Variants in THSD7B observed in about 807,000 individuals in gnomAD.
The protein encoded by THSD7B is thrombospondin type 1 domain containing 7B, also known as thrombospondin type-1 domain-containing protein 7B.
THSD7B carries 138 observed loss-of-function variants against 213.6 expected under a neutral mutation model. The observed-to-expected ratio is 0.65, with a 90% CI of 0.56 to 0.74. THSD7B has a LOEUF of 0.74. Ranked by LOEUF, THSD7B falls within the 30% of genes least tolerant of loss-of-function variation. The pLI, the probability that THSD7B is intolerant of heterozygous loss-of-function variation, is 0.00. For missense variants in THSD7B, 1,931 were observed against 1,991.5 expected (o/e 0.97, Z 0.58); for synonymous variants, 742 against 687.0 (o/e 1.08, Z -1.25).
intron 7 of THSD7B, among the ~76,000 whole-genome samples, chr2:137,208,065 G>A (rs376374076): frequency 5.9e-5 from 9 of 152,118 alleles, no homozygotes; most frequent in East Asian, 3.9e-4. Flanking sequence ...TTCTGTAACC[G>A]GCTACAGTGA....
In THSD7B at chr2:137,300,084, T is replaced by A. The variant is rs1260908973; in HGVS notation, c.2500+24058T>A. 3.9e-5 allele frequency among the ~76,000 whole-genome samples: 6 copies of A among 152,236 alleles called. No individual in the cohort carries two copies. In the East Asian group the frequency reaches 1.2e-3, roughly 29 times the overall value. ...AAGGTTGATTATGATTTCTTAAAAA[T>A]CTGTTTCTTAAATGGAATTGTTCCT... On this transcript the variant is annotated intron_variant, in intron 12 of 27. Transcript: ENST00000409968.
At chr2:136,856,001 T>G (rs1039853598) in intron 1 of THSD7B, among the ~76,000 whole-genome samples, 1 of 151,972 alleles carries the variant, frequency 6.6e-6, no homozygotes, top group African/African-American at 2.4e-5. Flanking sequence ...TTTTTCCCTA[T>G]CCACCACCTA....
At chr2:137,235,618 G>A (rs1681746689) in intron 9 of THSD7B, among the ~76,000 whole-genome samples, 1 of 152,110 alleles carries the variant, frequency 6.6e-6, no homozygotes, top group Admixed American at 6.5e-5. Context: ...GAGCACATCA[G>A]CTTACTCAAA....
intron 15 of THSD7B, among the ~76,000 whole-genome samples, chr2:137,547,858 G>C (rs75358570): frequency 0.02 from 3,106 of 152,026 alleles, 98 homozygotes; most frequent in African/African-American, 0.071. Flanking sequence ...TGGTAGCATG[G>C]TGGGCCCGTA....
chr2:137,206,615 T>C (rs13388658), intron 7 of THSD7B, among the ~76,000 whole-genome samples: 1,645 of 152,120 alleles, frequency 0.011, 35 homozygotes, highest in African/African-American at 0.036. Flanking sequence ...CACCACTCCC[T>C]ATATAAGAAT....
chr2:137,463,370 A>G (rs1218567818), intron 15 of THSD7B, among the ~76,000 whole-genome samples: 1 of 152,052 alleles, frequency 6.6e-6, no homozygotes, highest in Non-Finnish European at 1.5e-5. Context: ...GTATTTTTAT[A>G]CCATATTTTA....
At chr2:137,225,571 A>T (rs12691912) in intron 7 of THSD7B, among the ~76,000 whole-genome samples, 1 of 151,924 alleles carries the variant, frequency 6.6e-6, no homozygotes, top group Non-Finnish European at 1.5e-5. Context: ...ACTTTGAGAA[A>T]GTTTTTTAAC....
chr2:136,905,650 C>G (rs494158), intron 2 of THSD7B, among the ~76,000 whole-genome samples: 65,325 of 152,106 alleles, frequency 0.43, 15,620 homozygotes, highest in Non-Finnish European at 0.55. Context: ...GTTCTCCTAT[C>G]TAATACAATA....
At chr2:137,627,895 T>G (rs1682661772) in intron 20 of THSD7B, among the ~76,000 whole-genome samples, 1 of 152,246 alleles carries the variant, frequency 6.6e-6, no homozygotes, top group South Asian at 2.1e-4. Context: ...TCAATTGTTT[T>G]AAGAGGCAGT....
At chr2:137,425,223 T>A (rs1286529017) in intron 14 of THSD7B, among the ~76,000 whole-genome samples, 1 of 152,046 alleles carries the variant, frequency 6.6e-6, no homozygotes, top group Non-Finnish European at 1.5e-5. Context: ...TTTTATTTTT[T>A]ATTTTTTCTT....
intron 17 of THSD7B, among the ~76,000 whole-genome samples, chr2:137,589,422 T>C (rs1207766608): frequency 6.6e-6 from 1 of 152,208 alleles, no homozygotes; most frequent in African/African-American, 2.4e-5. Context: ...AAGCAATTTA[T>C]ATCTACATTT....
rs189650408 is a variant in THSD7B, at chr2:137,478,623, T to G, written c.3138+27600T>G. 3.6e-3 allele frequency among the ~76,000 whole-genome samples: 542 copies of G among 152,310 alleles called. 2 individuals carry two copies. Among genetic ancestry groups the G allele is most frequent in the Middle Eastern group, 0.034 (10 of 294 alleles). ...ATTGCATTTCTTGGAGGTGTCATGT[T>G]CTCTTGCTTTTTCATGTTTCTTGTG... is the stretch of plus-strand genomic sequence containing the variant. On this transcript the variant is annotated intron_variant, in intron 15 of 27. Coordinates refer to ENST00000409968, the MANE Select transcript of THSD7B (RefSeq NM_001316349.2).
At chr2:137,549,227 GCTTTTAACCCCAC>G (rs1680795665) in intron 15 of THSD7B, among the ~76,000 whole-genome samples, 1 of 150,050 alleles carries the variant, frequency 6.7e-6, no homozygotes. Context: ...ACTGATCTCT[GCTTTTAACCCCAC>G]CTTATGCCTG....
chr2:137,400,342 G>A (rs144856117), intron 12 of THSD7B, among the ~76,000 whole-genome samples: 17 of 151,604 alleles, frequency 1.1e-4, no homozygotes, highest in African/African-American at 3.6e-4. Flanking sequence ...TGATTTCTGC[G>A]CATCTAGAGC....
chr2:137,420,483 C>T (rs1686900928), intron 14 of THSD7B, among the ~76,000 whole-genome samples: 1 of 152,146 alleles, frequency 6.6e-6, no homozygotes, highest in African/African-American at 2.4e-5. Flanking sequence ...AGGAGAGGAG[C>T]TTGCCGCTTA....
rs70978233 is a variant in THSD7B at position 137,512,382 on chromosome 2, C to CTTTT, written c.3139-50815_3139-50812dup. Among the ~76,000 whole-genome samples, 22 of 81,380 alleles carry CTTTT rather than the reference C, an allele frequency of 2.7e-4. 2 individuals are homozygous for CTTTT. Among genetic ancestry groups the CTTTT allele is most frequent in the Admixed American group, 8.0e-4 (5 of 6,222 alleles). The allele number at this position is 81,380 out of a possible 152,430, so 53.4% of individuals were successfully genotyped here. On this transcript the variant is annotated intron_variant, in intron 15 of 27. Transcript: ENST00000409968. ...AATGATTATTAGTTACATTTATTTC[C>CTTTT]TTTTTTTTTTTTTTTTTTTTTTTTT...
At chr2:137,246,830 T>C (rs1682050527) in intron 10 of THSD7B, among the ~76,000 whole-genome samples, 1 of 152,144 alleles carries the variant, frequency 6.6e-6, no homozygotes, top group South Asian at 2.1e-4. Flanking sequence ...CTGCCTAAAG[T>C]ATCCAATGTG....
At chr2:136,903,312 G>T (rs542818588) in intron 2 of THSD7B, among the ~76,000 whole-genome samples, 1 of 152,252 alleles carries the variant, frequency 6.6e-6, no homozygotes, top group South Asian at 2.1e-4. Flanking sequence ...AAAGGAGTAA[G>T]GTGATCAAGG....
At chr2:136,850,439 G>C (rs1191727779) in intron 1 of THSD7B, among the ~76,000 whole-genome samples, 1 of 152,000 alleles carries the variant, frequency 6.6e-6, no homozygotes, top group Non-Finnish European at 1.5e-5. Context: ...TGTAATTTCA[G>C]GGATAAAGAA....
Sources: gnomAD v4.1 joint callset for allele counts (sites outside exome capture counted in the v4.1 genomes callset) on GRCh38, gnomAD v4.1.1 for gene constraint, MANE v1.5 for transcripts, NCBI Gene and HGNC (gene_info 2026-07-23, HGNC 2026-07-21) for gene names.